Variants in ACOXL observed in about 807,000 individuals in gnomAD.
ACOXL encodes the protein acyl-coenzyme A oxidase-like protein.
A neutral mutation model predicts 71.9 loss-of-function variants in ACOXL; 70 were observed. That is an observed-to-expected ratio of 0.97 (90% CI 0.80 to 1.19). The LOEUF (loss-of-function observed/expected upper bound fraction) is 1.19, where lower values mean the gene tolerates loss of function less well. Among genes scored for constraint, ACOXL ranks in the 50% most tolerant of loss-of-function variants. ACOXL has a pLI of 0.00. For missense variants in ACOXL, 703 were observed against 736.3 expected (o/e 0.95, Z 0.52); for synonymous variants, 253 against 281.6 (o/e 0.90, Z 1.02).
intron 16 of ACOXL, among the ~76,000 whole-genome samples, chr2:111,091,871 G>A (rs1324235905): frequency 2.0e-5 from 3 of 152,202 alleles, no homozygotes. Flanking sequence ...AGAAAGGAAT[G>A]AGGAGACCAC....
intron 13 of ACOXL, among the ~76,000 whole-genome samples, chr2:110,992,963 AGATTCTATCAACCTAT>A: frequency 6.6e-6 from 1 of 152,214 alleles, no homozygotes; most frequent in East Asian, 1.9e-4. Flanking sequence ...CAAACCATGG[AGATTCTATCAACCTAT>A]TACTGTACCT....
chr2:110,799,247 A>G (rs1014397777), intron 7 of ACOXL, 147 bp downstream of exon 7: 5 of 731,796 alleles, frequency 6.8e-6, no homozygotes, highest in Admixed American at 4.5e-5. Context: ...TTGAAGCCTC[A>G]TGAAGTCTTT....
intron 10 of ACOXL, 80 bp from the exon 11 acceptor site, chr2:110,908,709 C>T (rs1197010175): frequency 8.9e-7 from 1 of 1,122,636 alleles, no homozygotes; most frequent in Non-Finnish European, 1.3e-6. Flanking sequence ...AAATGGCTAG[C>T]CAGCATTTTT....
intron 1 of ACOXL, among the ~76,000 whole-genome samples, chr2:110,753,362 T>C (rs1299567121): frequency 6.6e-6 from 1 of 152,166 alleles, no homozygotes; most frequent in Non-Finnish European, 1.5e-5. Flanking sequence ...TCTATAGCAA[T>C]GCAAAGTGGA....
chr2:110,782,561 C>T (rs1683467921), intron 2 of ACOXL, among the ~76,000 whole-genome samples: 1 of 152,160 alleles, frequency 6.6e-6, no homozygotes, highest in Non-Finnish European at 1.5e-5. Flanking sequence ...TAGCAAAGGT[C>T]ACTATCTCCT....
rs145360884 is a variant in ACOXL, at chr2:110,871,086, G to A, written c.788+29681G>A. 9.7e-4 allele frequency among the ~76,000 whole-genome samples: 148 copies of A among 152,262 alleles called. 1 individual carries two copies. Among genetic ancestry groups the A allele is most frequent in the African/African-American group, 3.4e-3 (141 of 41,550 alleles). On this transcript the variant is annotated intron_variant, in intron 10 of 17. Coordinates refer to ENST00000439055, the MANE Select transcript of ACOXL (RefSeq NM_001142807.4). ...AATTTGAAATTAGTATTTCTTACAT[G>A]TTGGAGAATGTGGTACCAAGCAGGT...
chr2:111,060,262 C>T (rs2066744421), intron 16 of ACOXL, among the ~76,000 whole-genome samples: 1 of 152,162 alleles, frequency 6.6e-6, no homozygotes, highest in Non-Finnish European at 1.5e-5. Flanking sequence ...GCCCCCTCCC[C>T]ACTGCGGTGG....
chr2:110,792,815 CA>C (rs1022138071), intron 3 of ACOXL, among the ~76,000 whole-genome samples: 2 of 152,054 alleles, frequency 1.3e-5, no homozygotes, highest in African/African-American at 4.8e-5. Flanking sequence ...AAAACAAAAA[CA>C]AAAAACCCAC....
rs530290669 is a variant in ACOXL at position 110,762,669 on chromosome 2, A to T, written c.-22-5699A>T. ...TACCTTTTTTGAGTCCTTTTTTAAA[A>T]ATTTGAGACAGGGTCTCACTCTGTC... On this transcript the variant is annotated intron_variant, in intron 1 of 17. Transcript: ENST00000439055. Among the ~76,000 whole-genome samples the T allele has an allele frequency of 4.6e-5, 7 of 152,134 alleles. No individual in the cohort carries two copies. The South Asian group carries it at 1.5e-3, about 32-fold the overall frequency.
chr2:110,945,911 G>A (rs193106519), intron 12 of ACOXL, among the ~76,000 whole-genome samples: 26 of 152,100 alleles, frequency 1.7e-4, no homozygotes, highest in Non-Finnish European at 3.4e-4. Context: ...CATAGGAATA[G>A]CGTTGAATCT....
At chr2:110,848,798 T>C (rs1692230241) in intron 10 of ACOXL, among the ~76,000 whole-genome samples, 1 of 152,210 alleles carries the variant, frequency 6.6e-6, no homozygotes, top group Non-Finnish European at 1.5e-5. Flanking sequence ...GCCTTCTGCC[T>C]GCTGACCAGT....
intron 5 of ACOXL, among the ~76,000 whole-genome samples, chr2:110,795,271 G>A (rs1442578885): frequency 6.6e-6 from 1 of 152,198 alleles, no homozygotes; most frequent in Non-Finnish European, 1.5e-5. Context: ...AGATGCAGGG[G>A]CGGGGTGTAT....
intron 15 of ACOXL, among the ~76,000 whole-genome samples, chr2:111,034,753 A>G (rs1429570512): frequency 2.6e-5 from 4 of 152,230 alleles, no homozygotes; most frequent in African/African-American, 9.6e-5. Flanking sequence ...CCAGCGTATC[A>G]TTACATTCAA....
intron 16 of ACOXL, among the ~76,000 whole-genome samples, chr2:111,076,202 T>C (rs1233170745): frequency 2.6e-5 from 4 of 152,210 alleles, no homozygotes; most frequent in South Asian, 4.1e-4. Flanking sequence ...AAGTGACATA[T>C]TCAACTATGC....
chr2:110,999,645 A>G (rs2063536180), intron 14 of ACOXL, among the ~76,000 whole-genome samples: 1 of 152,146 alleles, frequency 6.6e-6, no homozygotes, highest in African/African-American at 2.4e-5. Flanking sequence ...GATAAAATAC[A>G]TTATGACTTC....
intron 10 of ACOXL, among the ~76,000 whole-genome samples, chr2:110,903,354 T>A (rs2059320102): frequency 6.6e-6 from 1 of 152,320 alleles, no homozygotes; most frequent in Non-Finnish European, 1.5e-5. Flanking sequence ...GGGAATGAAA[T>A]AAAACAACCC....
intron 9 of ACOXL, among the ~76,000 whole-genome samples, chr2:110,811,753 A>G (rs1196521244): frequency 1.3e-5 from 2 of 150,000 alleles, no homozygotes; most frequent in African/African-American, 4.9e-5. Flanking sequence ...ACACACACAC[A>G]CACACACACA....
intron 9 of ACOXL, among the ~76,000 whole-genome samples, chr2:110,807,447 G>A (rs1160224344): frequency 6.6e-6 from 1 of 152,198 alleles, no homozygotes; most frequent in African/African-American, 2.4e-5. Flanking sequence ...GAAGACATGG[G>A]CATTCCCATG....
intron 12 of ACOXL, among the ~76,000 whole-genome samples, chr2:110,934,901 G>T (rs1276845375): frequency 6.6e-6 from 1 of 152,202 alleles, no homozygotes; most frequent in East Asian, 1.9e-4. Flanking sequence ...GCTGGCCTAG[G>T]GTGCAGCTGG....
Sources: gnomAD v4.1 joint callset for allele counts (sites outside exome capture counted in the v4.1 genomes callset) on GRCh38, gnomAD v4.1.1 for gene constraint, MANE v1.5 for transcripts, NCBI Gene and HGNC (gene_info 2026-07-23, HGNC 2026-07-21) for gene names.